Variants in XKR4 observed in about 807,000 individuals in gnomAD.
The protein encoded by XKR4 is XK-related protein 4.
XKR4 carries 12 observed loss-of-function variants against 53.9 expected under a neutral mutation model. The observed-to-expected ratio is 0.22, with a 90% CI of 0.14 to 0.36. XKR4 has a LOEUF of 0.36. Ranked by LOEUF, XKR4 falls within the 10% of genes least tolerant of loss-of-function variation. The pLI, the probability that XKR4 is intolerant of heterozygous loss-of-function variation, is 1.00. For synonymous variants in XKR4, 354 were observed against 362.4 expected, an observed-to-expected ratio of 0.98 and a Z score of 0.26; for missense variants, 799 against 859.5, an observed-to-expected ratio of 0.93 and a Z score of 0.88.
At chr8:55,489,851 A>G (rs1275003851) in intron 2 of XKR4, among the ~76,000 whole-genome samples, 1 of 152,162 alleles carries the variant, frequency 6.6e-6, no homozygotes, top group East Asian at 1.9e-4. Context: ...TCTTTAACTT[A>G]CCACCACCAT....
intron 1 of XKR4, chr8:55,161,678 C>T (rs1279989052): frequency 1.1e-5 from 5 of 454,450 alleles, no homozygotes; most frequent in Non-Finnish European, 1.8e-5. Flanking sequence ...TTAGAAGTAC[C>T]TGGTACCTGC....
intron 2 of XKR4, among the ~76,000 whole-genome samples, chr8:55,466,508 A>G (rs1013308702): frequency 3.9e-5 from 6 of 152,064 alleles, no homozygotes; most frequent in African/African-American, 1.2e-4. Flanking sequence ...GGGGGAAGGG[A>G]TAGCATTAGG....
intron 1 of XKR4, among the ~76,000 whole-genome samples, chr8:55,239,007 T>A (rs1458425312): frequency 6.6e-6 from 1 of 152,194 alleles, no homozygotes; most frequent in African/African-American, 2.4e-5. Context: ...TATTCACACA[T>A]GAGTGAATAA....
At chr8:55,474,023 G>T (rs1213904733) in intron 2 of XKR4, among the ~76,000 whole-genome samples, 2 of 151,948 alleles carry the variant, frequency 1.3e-5, no homozygotes, top group African/African-American at 2.4e-5. Flanking sequence ...TCCTGCCTCA[G>T]GCTCTCCAGT....
chr8:55,181,156 T>C (rs988319066), intron 1 of XKR4, among the ~76,000 whole-genome samples: 3 of 152,184 alleles, frequency 2.0e-5, no homozygotes, highest in African/African-American at 7.2e-5. Context: ...CCTACTCTGG[T>C]TTCTGATGTT....
intron 2 of XKR4, among the ~76,000 whole-genome samples, chr8:55,437,907 C>T (rs1184278566): frequency 1.3e-5 from 2 of 151,658 alleles, no homozygotes; most frequent in Non-Finnish European, 2.9e-5. Context: ...CCCAGCTACA[C>T]CCCTTCAAGG....
At chr8:55,422,915 T>G (rs1804956349) in intron 2 of XKR4, among the ~76,000 whole-genome samples, 1 of 152,200 alleles carries the variant, frequency 6.6e-6, no homozygotes, top group South Asian at 2.1e-4. Flanking sequence ...TGCCTGTCTC[T>G]GTGACATCAA....
chr8:55,341,019 CAT>C (rs1267312449), intron 1 of XKR4, among the ~76,000 whole-genome samples: 1 of 152,098 alleles, frequency 6.6e-6, no homozygotes, highest in African/African-American at 2.4e-5. Flanking sequence ...GCATGGAACT[CAT>C]GTAATACCAA....
intron 2 of XKR4, among the ~76,000 whole-genome samples, chr8:55,499,186 A>C (rs768641123): frequency 9.9e-5 from 15 of 152,230 alleles, no homozygotes; most frequent in Non-Finnish European, 2.2e-4. Context: ...TTAAACATTA[A>C]ATGTGAAAAT....
intron 1 of XKR4, among the ~76,000 whole-genome samples, chr8:55,269,253 GTCTC>G (rs1328152856): frequency 6.6e-6 from 1 of 151,710 alleles, no homozygotes; most frequent in Non-Finnish European, 1.5e-5. Context: ...TTATTTTGTG[GTCTC>G]TCTTTCTCAC....
chr8:55,286,597 G>GCCC, intron 1 of XKR4, among the ~76,000 whole-genome samples: 2 of 152,186 alleles, frequency 1.3e-5, no homozygotes, highest in Non-Finnish European at 2.9e-5. Context: ...CAGCAGGGCT[G>GCCC]TTGGAGGTCC....
At chr8:55,307,030 A>G (rs1488842211) in intron 1 of XKR4, among the ~76,000 whole-genome samples, 31 of 146,186 alleles carry the variant, frequency 2.1e-4, no homozygotes, top group Non-Finnish European at 9.1e-5. Context: ...TTTTAAACCT[A>G]TACACTTTTA....
intron 2 of XKR4, among the ~76,000 whole-genome samples, chr8:55,410,754 C>T (rs1164287728): frequency 6.6e-6 from 1 of 152,148 alleles, no homozygotes; most frequent in Non-Finnish European, 1.5e-5. Flanking sequence ...ACACAGGTGT[C>T]TCATGACACT....
At chr8:55,455,455 C>T (rs989479620) in intron 2 of XKR4, among the ~76,000 whole-genome samples, 3 of 152,170 alleles carry the variant, frequency 2.0e-5, no homozygotes, top group Admixed American at 6.5e-5. Context: ...TGAAGTTCAA[C>T]ACGGAATTCA....
chr8:55,301,433 G>T (rs1273855394), intron 1 of XKR4, among the ~76,000 whole-genome samples: 3 of 151,932 alleles, frequency 2.0e-5, no homozygotes, highest in Admixed American at 6.5e-5. Flanking sequence ...CTTTGCTATT[G>T]TGAATAGTGC....
intron 2 of XKR4, among the ~76,000 whole-genome samples, chr8:55,506,529 C>G (rs1381193034): frequency 6.6e-6 from 1 of 152,196 alleles, no homozygotes; most frequent in East Asian, 1.9e-4. Context: ...GGTCAACACC[C>G]CATCTTCCAC....
chr8:55,493,845 A>T (rs73593492), intron 2 of XKR4, among the ~76,000 whole-genome samples: 8,278 of 152,214 alleles, frequency 0.054, 610 homozygotes, highest in East Asian at 0.28. Context: ...GATTGTATTG[A>T]TTTCCTGCTC....
rs886298791 is a variant in XKR4 at position 55,523,985 on chromosome 8, C to G, written c.1711C>G (p.Pro571Ala). 6.2e-7 allele frequency: 1 copy of G among 1,614,032 alleles called. No individual in the cohort carries two copies. Among genetic ancestry groups the G allele is most frequent in the African/African-American group, 1.3e-5 (1 of 74,916 alleles). ...ATTCGCAGAGCGGGATGGGTGTGTA[C>G]CTGTCTTTCAAGTGAGGCCCACTGC... is the stretch of plus-strand genomic sequence containing the variant. ...QKFAERDGCV[P>A]VFQVRPTAPS... Residue 571 changes from proline to alanine, a missense_variant, in exon 3 of 3, where the codon CCT becomes GCT. By Grantham distance (27) the Pro-to-Ala change is conservative. This residue lies in a region of XKR4 where 269 missense variants were observed against 264.4 expected (regional missense o/e 1.02). Coordinates refer to ENST00000327381, the MANE Select transcript of XKR4 (RefSeq NM_052898.2).
intron 2 of XKR4, among the ~76,000 whole-genome samples, chr8:55,475,614 ATTTATTTG>A (rs61516687): frequency 0.31 from 46,828 of 148,738 alleles, 8,561 homozygotes; most frequent in African/African-American, 0.53. Flanking sequence ...TTATTTATTT[ATTTATTTG>A]AGATGGAGTC....
Sources: gnomAD v4.1 joint callset for allele counts (sites outside exome capture counted in the v4.1 genomes callset) on GRCh38, gnomAD v4.1.1 for gene constraint, gnomAD v4.1.1 regional missense constraint, MANE v1.5 for transcripts, NCBI Gene and HGNC (gene_info 2026-07-23, HGNC 2026-07-21) for gene names.